PDE10A: variants seen among roughly 807,000 people sequenced by gnomAD.
The protein encoded by PDE10A is phosphodiesterase 10A.
In PDE10A, 39 loss-of-function variants were observed where a neutral mutation model predicts 97.7. That is an observed-to-expected ratio of 0.40 (90% CI 0.31 to 0.52). The LOEUF (loss-of-function observed/expected upper bound fraction) is 0.52, where lower values mean the gene tolerates loss of function less well. Ranked by LOEUF, PDE10A falls within the 20% of genes least tolerant of loss-of-function variation. PDE10A has a pLI of 0.56. For missense variants in PDE10A, 731 were observed against 1,047.8 expected (o/e 0.70, Z 4.17); for synonymous variants, 371 against 376.8 (o/e 0.98, Z 0.18).
At chr6:165,943,211 GAAA>G (rs1783607700) in intron 1 of PDE10A, among the ~76,000 whole-genome samples, 3 of 75,216 alleles carry the variant, frequency 4.0e-5, no homozygotes, top group Admixed American at 1.3e-4. Flanking sequence ...AAGAAAGAAA[GAAA>G]GAAAGAAAGA....
intron 18 of PDE10A, among the ~76,000 whole-genome samples, chr6:165,375,999 T>C (rs968325658): frequency 2.0e-5 from 3 of 152,258 alleles, no homozygotes; most frequent in South Asian, 4.1e-4. Context: ...CTGATGGACA[T>C]GCACATGATT....
chr6:165,672,295 A>T (rs1790669131), intron 1 of PDE10A, among the ~76,000 whole-genome samples: 1 of 152,244 alleles, frequency 6.6e-6, no homozygotes, highest in Non-Finnish European at 1.5e-5. Flanking sequence ...AACACATCAT[A>T]AGCTGAAAAT....
At chr6:165,640,655 C>G (rs1442508935) in intron 1 of PDE10A, among the ~76,000 whole-genome samples, 2 of 152,218 alleles carry the variant, frequency 1.3e-5, no homozygotes, top group African/African-American at 4.8e-5. Context: ...GCGGAAACCA[C>G]AACATATTCC....
At chr6:165,664,395 G>C (rs372024779), upstream of PDE10A, among the ~76,000 whole-genome samples, 13 of 152,238 alleles carry the variant, frequency 8.5e-5, no homozygotes, top group African/African-American at 2.9e-4. Context: ...TTTGCACCAA[G>C]CTGAGCAGTT....
intron 1 of PDE10A, among the ~76,000 whole-genome samples, chr6:165,852,023 C>T (rs918449417): frequency 1.2e-4 from 19 of 152,186 alleles, no homozygotes; most frequent in African/African-American, 4.6e-4. Context: ...TGCAATATTT[C>T]CCCAAGAATC....
chr6:165,965,410 A>C (rs1278161343), intron 1 of PDE10A, among the ~76,000 whole-genome samples: 3 of 152,176 alleles, frequency 2.0e-5, no homozygotes, highest in Non-Finnish European at 4.4e-5. Flanking sequence ...GGGTAGTGGC[A>C]GGTGTACAGC....
chr6:165,931,994 C>G (rs912642970), intron 1 of PDE10A, among the ~76,000 whole-genome samples: 3 of 152,206 alleles, frequency 2.0e-5, no homozygotes, highest in Non-Finnish European at 4.4e-5. Context: ...CCTCACGAGG[C>G]AGGTGAGTGG....
chr6:165,581,948 T>G (rs529300900), intron 1 of PDE10A, among the ~76,000 whole-genome samples: 1 of 152,352 alleles, frequency 6.6e-6, no homozygotes, highest in East Asian at 1.9e-4. Flanking sequence ...TTCAGTGATT[T>G]TCCTTATCTC....
chr6:165,385,282 A>C (rs1785228377), intron 17 of PDE10A, among the ~76,000 whole-genome samples: 1 of 152,112 alleles, frequency 6.6e-6, no homozygotes, highest in Non-Finnish European at 1.5e-5. Flanking sequence ...GCCACCACAG[A>C]GATATAAAAT....
intron 5 of PDE10A, among the ~76,000 whole-genome samples, chr6:165,446,027 A>G (rs1433650667): frequency 6.6e-6 from 1 of 152,232 alleles, no homozygotes; most frequent in Non-Finnish European, 1.5e-5. Context: ...GGAACATAGA[A>G]GAAGTATAGT....
chr6:165,590,538 G>C (rs532777678), intron 1 of PDE10A, among the ~76,000 whole-genome samples: 2 of 152,254 alleles, frequency 1.3e-5, no homozygotes, highest in East Asian at 1.9e-4. Flanking sequence ...CAAAACTGTA[G>C]CCTCCTTTGT....
In PDE10A at chr6:165,435,283, T is replaced by A. The variant is rs781543204; in HGVS notation, c.1289A>T (p.Tyr430Phe). ...CAGTGTTTTCCTGGACTTGGCCACA[T>A]AAGCAGAGACGGTGGTGCCCTGAGT... ...PITQGTTVSA[Y>F]VAKSRKTLLV... The change falls in exon 6 of 22, where the codon TAT (tyrosine) becomes TTT (phenylalanine). Residue 430 changes from tyrosine (Y) to phenylalanine (F), a missense_variant. By Grantham distance (22) the Tyr-to-Phe change is conservative. Transcript: ENST00000539869. 5.0e-6 allele frequency: 8 copies of A among 1,614,120 alleles called. No homozygotes were observed. Among genetic ancestry groups the A allele is most frequent in the Non-Finnish European group, 6.8e-6 (8 of 1,179,970 alleles).
intron 1 of PDE10A, among the ~76,000 whole-genome samples, chr6:165,855,072 T>C (rs1373347622): frequency 6.6e-6 from 1 of 152,068 alleles, no homozygotes; most frequent in Non-Finnish European, 1.5e-5. Context: ...GGGCCAGCCC[T>C]GGACACCCAG....
At chr6:165,922,978 G>A (rs1346056654) in intron 1 of PDE10A, among the ~76,000 whole-genome samples, 1 of 152,186 alleles carries the variant, frequency 6.6e-6, no homozygotes, top group Non-Finnish European at 1.5e-5. Flanking sequence ...TCCAAGCCCT[G>A]AGATTAAAGT....
At chr6:165,826,120 C>G (rs1346693884) in intron 1 of PDE10A, among the ~76,000 whole-genome samples, 1 of 152,222 alleles carries the variant, frequency 6.6e-6, no homozygotes, top group Non-Finnish European at 1.5e-5. Flanking sequence ...CTGCTTTTCT[C>G]CTAACCTTGT....
intron 1 of PDE10A, among the ~76,000 whole-genome samples, chr6:165,686,384 C>G (rs572468670): frequency 1.3e-5 from 2 of 152,148 alleles, no homozygotes; most frequent in Non-Finnish European, 2.9e-5. Context: ...TAGGCTTCCC[C>G]GTTCTCCTCT....
At chr6:165,541,235 C>T (rs1783418832) in intron 2 of PDE10A, among the ~76,000 whole-genome samples, 1 of 151,970 alleles carries the variant, frequency 6.6e-6, no homozygotes, top group South Asian at 2.1e-4. Context: ...AGATGGTAAA[C>T]TCCAAGTCAC....
chr6:165,698,777 G>A (rs1416674546), intron 1 of PDE10A, among the ~76,000 whole-genome samples: 1 of 152,128 alleles, frequency 6.6e-6, no homozygotes, highest in South Asian at 2.1e-4. Context: ...GGAGGTGGAG[G>A]TTGCAGTGAG....
intron 3 of PDE10A, among the ~76,000 whole-genome samples, chr6:165,468,974 C>T (rs146119281): frequency 6.6e-6 from 1 of 152,314 alleles, no homozygotes; most frequent in East Asian, 1.9e-4. Flanking sequence ...AGACTTGTGG[C>T]TGCCAAGAAT....
Sources: allele counts gnomAD v4.1 joint callset (sites outside exome capture counted in the v4.1 genomes callset), GRCh38; gene constraint gnomAD v4.1.1; transcripts MANE v1.5; gene names NCBI Gene and HGNC (gene_info 2026-07-23, HGNC 2026-07-21).